Variants in SGMS1 observed in about 807,000 individuals in gnomAD.
The protein encoded by SGMS1 is phosphatidylcholine:ceramide cholinephosphotransferase 1.
In SGMS1, 13 loss-of-function variants were observed where a neutral mutation model predicts 46.2. That is an observed-to-expected ratio of 0.28 (90% confidence interval 0.18 to 0.45). The LOEUF is 0.45. Among genes scored for constraint, SGMS1 ranks in the 20% least tolerant of loss-of-function variants. The pLI is 1.00. For missense variants in SGMS1, 324 were observed against 519.9 expected (o/e 0.62, Z 3.66); for synonymous variants, 203 against 187.8 (o/e 1.08, Z -0.66).
At chr10:50,312,936 A>G (rs1847280661) in intron 8 of SGMS1, among the ~76,000 whole-genome samples, 1 of 152,208 alleles carries the variant, frequency 6.6e-6, no homozygotes, top group South Asian at 2.1e-4. Context: ...GATGAGCCCA[A>G]CAGAATACCC....
At chr10:50,618,083 T>C (rs988655622) in intron 1 of SGMS1, among the ~76,000 whole-genome samples, 2 of 152,072 alleles carry the variant, frequency 1.3e-5, no homozygotes, top group African/African-American at 4.8e-5. Context: ...TGAGGTATGA[T>C]AAAAGTGGCT....
chr10:50,575,352 G>A (rs1001408926), intron 2 of SGMS1, among the ~76,000 whole-genome samples: 1 of 152,014 alleles, frequency 6.6e-6, no homozygotes, highest in African/African-American at 2.4e-5. Context: ...CCAGGAGTTC[G>A]AGACCAGCCT....
At chr10:50,478,456 C>T (rs886531776) in intron 3 of SGMS1, among the ~76,000 whole-genome samples, 1 of 152,172 alleles carries the variant, frequency 6.6e-6, no homozygotes, top group Non-Finnish European at 1.5e-5. Flanking sequence ...GGATTCTCTA[C>T]CTATCTATCC....
intron 6 of SGMS1, among the ~76,000 whole-genome samples, chr10:50,397,582 T>C (rs757761242): frequency 6.6e-6 from 1 of 152,228 alleles, no homozygotes; most frequent in Non-Finnish European, 1.5e-5. Context: ...TCTGGGTTTA[T>C]TTAGATGTCC....
At chr10:50,526,806 C>A (rs186722888) in intron 2 of SGMS1, among the ~76,000 whole-genome samples, 1 of 152,024 alleles carries the variant, frequency 6.6e-6, no homozygotes, top group African/African-American at 2.4e-5. Context: ...GTGGCTCACG[C>A]CTGTAATCAT....
chr10:50,307,471 C>T lies in SGMS1; in HGVS notation c.1063-150G>A. ...TTCTCTCTCTCATCACCATTCTACACTCCACATTCATCTACAAACTGAGCC... is the reference window on the plus strand; with the variant it reads ...TTCTCTCTCTCATCACCATTCTACATTCCACATTCATCTACAAACTGAGCC... On this transcript the variant is annotated intron_variant, in intron 10 of 10. Coordinates refer to ENST00000361781, the MANE Select transcript of SGMS1 (RefSeq NM_147156.4). This position sits in a 1 kb window ranked among gnomAD's most constrained non-coding sequence, Gnocchi z 4.2. 1 of 639,132 alleles carries T rather than the reference C, an allele frequency of 1.6e-6. No homozygotes were observed. The highest frequency in any genetic ancestry group is 2.6e-6 in the Non-Finnish European group (1 of 381,622). 39.6% of individuals were successfully genotyped at this position (639,132 alleles called of 1,614,324 possible).
intron 6 of SGMS1, among the ~76,000 whole-genome samples, chr10:50,420,728 T>C (rs1849244228): frequency 6.6e-6 from 1 of 152,260 alleles, no homozygotes; most frequent in Non-Finnish European, 1.5e-5. Flanking sequence ...TACATAAAGC[T>C]TAAGTGTATA....
intron 2 of SGMS1, among the ~76,000 whole-genome samples, chr10:50,546,529 A>C (rs534941595): frequency 1.3e-5 from 2 of 152,358 alleles, no homozygotes; most frequent in East Asian, 3.9e-4. Flanking sequence ...ACACCATGGA[A>C]TACTATGCAG....
chr10:50,610,836 G>T (rs1399803804), intron 1 of SGMS1, among the ~76,000 whole-genome samples: 1 of 152,168 alleles, frequency 6.6e-6, no homozygotes, highest in African/African-American at 2.4e-5. Flanking sequence ...CTGAGACTTT[G>T]CTTTGTTCAC....
intron 3 of SGMS1, among the ~76,000 whole-genome samples, chr10:50,503,807 C>T (rs761167097): frequency 2.0e-5 from 3 of 152,214 alleles, no homozygotes; most frequent in Non-Finnish European, 4.4e-5. Context: ...CAGGCACTGT[C>T]ACTCTGACAG....
chr10:50,560,082 T>C (rs1838220674), intron 2 of SGMS1, among the ~76,000 whole-genome samples: 1 of 147,320 alleles, frequency 6.8e-6, no homozygotes, highest in African/African-American at 2.5e-5. Context: ...TATAGACATA[T>C]ATTACCTTAG....
chr10:50,435,074 A>G (rs1849457954), intron 5 of SGMS1, among the ~76,000 whole-genome samples: 1 of 152,218 alleles, frequency 6.6e-6, no homozygotes, highest in African/African-American at 2.4e-5. Flanking sequence ...ATGGCTTTAT[A>G]TGCCTGGCCA....
Position 50,496,496 on chromosome 10 carries a change from C to T in SGMS1, c.-498+23335G>A, listed in dbSNP as rs114601315. Among the ~76,000 whole-genome samples the T allele has an allele frequency of 3.5e-3, 536 of 152,240 alleles. 2 individuals are homozygous for T. The highest frequency in any genetic ancestry group is 0.012 in the African/African-American group (507 of 41,540). On this transcript the variant is annotated intron_variant, in intron 3 of 10. Transcript: ENST00000361781. ...CACCAAACACTACCCAGAAAAGCAA[C>T]GAGGCACACAGCACTAGTAAATGCC...
chr10:50,505,831 A>G (rs7071001), intron 3 of SGMS1, among the ~76,000 whole-genome samples: 18,138 of 152,156 alleles, frequency 0.12, 1,180 homozygotes, highest in Middle Eastern at 0.21. Context: ...GGCCCGAGGA[A>G]TGGGGAGCAA....
intron 1 of SGMS1, among the ~76,000 whole-genome samples, chr10:50,605,578 G>C (rs994097916): frequency 2.6e-5 from 4 of 152,168 alleles, no homozygotes; most frequent in African/African-American, 9.7e-5. Context: ...AGACTGCTCT[G>C]AAGTATTGTG....
chr10:50,588,441 C>T (rs1232106648), intron 2 of SGMS1, among the ~76,000 whole-genome samples: 1 of 152,158 alleles, frequency 6.6e-6, no homozygotes, highest in African/African-American at 2.4e-5. Flanking sequence ...TTGCAAGAAC[C>T]ACAGATAACT....
chr10:50,306,971 G>T lies in SGMS1; in HGVS notation c.*171C>A. On this transcript the variant is annotated 3_prime_UTR_variant, in exon 11 of 11. Coordinates refer to ENST00000361781, the MANE Select transcript of SGMS1 (RefSeq NM_147156.4). ...TTTTCTTTATTGTTGTCCAACGCAG[G>T]TCCTTTGGAGAGAAAAAAAGATCAC... 1.6e-6 allele frequency: 1 copy of T among 628,762 alleles called. No homozygotes were observed. Among genetic ancestry groups the T allele is most frequent in the Non-Finnish European group, 2.7e-6 (1 of 375,504 alleles). The allele number at this position is 628,762 out of a possible 1,614,324, so 38.9% of individuals were successfully genotyped here.
intron 5 of SGMS1, among the ~76,000 whole-genome samples, chr10:50,449,610 T>C (rs1837074220): frequency 6.6e-6 from 1 of 151,352 alleles, no homozygotes; most frequent in Non-Finnish European, 1.5e-5. Flanking sequence ...CAATGAGGGC[T>C]TCCTGGCTTC....
At chr10:50,400,071 G>A (rs1214556220) in intron 6 of SGMS1, among the ~76,000 whole-genome samples, 1 of 151,408 alleles carries the variant, frequency 6.6e-6, no homozygotes, top group East Asian at 1.9e-4. Context: ...CTGGAAGTAC[G>A]TGCGTGAGGT....
Sources: gnomAD v4.1 joint callset for allele counts (sites outside exome capture counted in the v4.1 genomes callset) on GRCh38, gnomAD v4.1.1 for gene constraint, Gnocchi (gnomAD v3.1) non-coding constraint, MANE v1.5 for transcripts, NCBI Gene and HGNC (gene_info 2026-07-23, HGNC 2026-07-21) for gene names.